SPECC1: variants seen among roughly 807,000 people sequenced by gnomAD.
SPECC1 encodes cytospin-B.
In SPECC1, 62 loss-of-function variants were observed where a neutral mutation model predicts 104.1. The ratio of observed to expected loss-of-function variants is 0.60; its 90% CI spans 0.49 to 0.74. The LOEUF (loss-of-function observed/expected upper bound fraction) is 0.74, where lower values mean the gene tolerates loss of function less well. Among genes scored for constraint, SPECC1 ranks in the 30% least tolerant of loss-of-function variants. The pLI, the probability that SPECC1 is intolerant of heterozygous loss-of-function variation, is 0.00. For synonymous variants in SPECC1, 513 were observed against 501.6 expected (o/e 1.02, Z -0.30); for missense variants, 1,306 against 1,310.5 (o/e 1.00, Z 0.05).
At chr17:20,167,357 CT>C (rs2033741524) in intron 3 of SPECC1, among the ~76,000 whole-genome samples, 1 of 151,832 alleles carries the variant, frequency 6.6e-6, no homozygotes, top group Non-Finnish European at 1.5e-5. Context: ...GAAAAATATT[CT>C]TGGAAGATGT....
intron 1 of SPECC1, among the ~76,000 whole-genome samples, chr17:20,075,626 G>A (rs112602194): frequency 0.025 from 3,806 of 152,050 alleles, 159 homozygotes; most frequent in African/African-American, 0.086. Flanking sequence ...ACATAGCAAG[G>A]CCACTGTCTC....
intron 3 of SPECC1, among the ~76,000 whole-genome samples, chr17:20,165,020 T>G (rs886266449): frequency 1.8e-4 from 27 of 152,304 alleles, no homozygotes; most frequent in African/African-American, 6.3e-4. Flanking sequence ...AAAATTAATT[T>G]TATTTTAAGT....
intron 12 of SPECC1, among the ~76,000 whole-genome samples, chr17:20,279,784 C>T (rs2040705272): frequency 6.6e-6 from 1 of 152,152 alleles, no homozygotes; most frequent in Non-Finnish European, 1.5e-5. Flanking sequence ...GGTCTCCCAG[C>T]CAGAGCTGTG....
chr17:20,306,714 G>C (rs948099673), intron 14 of SPECC1, among the ~76,000 whole-genome samples: 2 of 152,238 alleles, frequency 1.3e-5, no homozygotes, highest in Admixed American at 6.5e-5. Context: ...GCAAGGAAAG[G>C]AAACAGGGCC....
intron 1 of SPECC1, among the ~76,000 whole-genome samples, chr17:20,085,334 G>A (rs773788483): frequency 6.6e-6 from 1 of 152,190 alleles, no homozygotes; most frequent in Non-Finnish European, 1.5e-5. Flanking sequence ...ATGTGTCTGT[G>A]TCATAAAGGG....
At chr17:20,185,847 A>AT (rs1012443153) in intron 3 of SPECC1, among the ~76,000 whole-genome samples, 1 of 151,664 alleles carries the variant, frequency 6.6e-6, no homozygotes, top group Admixed American at 6.6e-5. Context: ...TTATTTATTT[A>AT]TTTTTTTTGA....
rs139295470 is a variant in SPECC1, at chr17:20,316,680, G to GT, written c.*2623dup. On this transcript the variant is annotated 3_prime_UTR_variant, in exon 15 of 15. Coordinates refer to ENST00000395527, the MANE Select transcript of SPECC1 (RefSeq NM_001243439.2). ...CCACTGAGCCCGGCTGTTTTTTTGTGTTTTTTTTGTTGTTGTTTGTTTGTT... is the reference window on the plus strand; with the variant it reads ...CCACTGAGCCCGGCTGTTTTTTTGTGTTTTTTTTTGTTGTTGTTTGTTTGTT... 7,634 of 173,842 alleles carry GT rather than the reference G, an allele frequency of 0.044. 583 individuals are homozygous for GT. The highest frequency in any genetic ancestry group is 0.18 in the African/African-American group (6,897 of 37,800). The allele number at this position is 173,842 out of a possible 1,614,324, so 10.8% of individuals were successfully genotyped here. A position where few individuals can be genotyped will look rare whatever the true frequency, so the allele number is the denominator to read the frequency against.
In SPECC1 at chr17:20,079,517, TG is replaced by T. The variant is rs554392004; in HGVS notation, c.-21-17111del. On this transcript the variant is annotated intron_variant, in intron 1 of 14. Coordinates refer to ENST00000395527, the MANE Select transcript of SPECC1 (RefSeq NM_001243439.2). ...TTACTACAGGCTGTTCTTGAACTTG[TG>T]GGTTCAAGTGATCCTCCCACCTTGG... is the stretch of plus-strand genomic sequence containing the variant. 2.7e-4 allele frequency among the ~76,000 whole-genome samples: 41 copies of T among 149,212 alleles called. 1 individual carries two copies. In the South Asian group the frequency reaches 5.1e-3, roughly 19 times the overall value.
rs1294179803 is a variant in SPECC1 at position 20,314,159 on chromosome 17, C to T, written c.*94C>T. On this transcript the variant is annotated 3_prime_UTR_variant, in exon 15 of 15. Coordinates refer to ENST00000395527, the MANE Select transcript of SPECC1 (RefSeq NM_001243439.2). ...TCCACTGACCCTGCTCTGCCCACCA[C>T]CCAGCTGCCTAGACTTCAAAGACAG... is the stretch of plus-strand genomic sequence containing the variant. 3.8e-6 allele frequency: 4 copies of T among 1,063,792 alleles called. No individual in the cohort carries two copies. The highest frequency in any genetic ancestry group is 5.1e-5 in the East Asian group (2 of 39,196). 65.9% of individuals were successfully genotyped at this position (1,063,792 alleles called of 1,614,324 possible).
chr17:20,061,658 A>G (rs1318112927), intron 1 of SPECC1, among the ~76,000 whole-genome samples: 2 of 152,240 alleles, frequency 1.3e-5, no homozygotes, highest in East Asian at 3.8e-4. Flanking sequence ...CTTGACAGAT[A>G]CATTTGGAAG....
chr17:20,205,920 G>GAGAC lies in SPECC1; in HGVS notation c.1863+11_1863+14dup. On this transcript the variant is annotated intron_variant, in intron 4 of 14. Coordinates refer to ENST00000395527, the MANE Select transcript of SPECC1 (RefSeq NM_001243439.2). ...TCCAGTCTGCTGGCCAAGGTGAGAA[G>GAGAC]AGACAGCTCTTTACTGGTATTTGCT... 6.3e-7 allele frequency: 1 copy of GAGAC among 1,599,818 alleles called. No homozygotes were observed. Among genetic ancestry groups the GAGAC allele is most frequent in the East Asian group, 2.2e-5 (1 of 44,850 alleles).
At chr17:20,068,335 T>C (rs1222527822) in intron 1 of SPECC1, among the ~76,000 whole-genome samples, 1 of 152,234 alleles carries the variant, frequency 6.6e-6, no homozygotes, top group Admixed American at 6.5e-5. Flanking sequence ...TTTTTACTGA[T>C]GGATAATATT....
intron 4 of SPECC1, among the ~76,000 whole-genome samples, chr17:20,212,585 G>A (rs1239130256): frequency 6.6e-6 from 1 of 152,136 alleles, no homozygotes; most frequent in East Asian, 1.9e-4. Flanking sequence ...CTGCCTCCCT[G>A]ATTCAATTAC....
intron 2 of SPECC1, among the ~76,000 whole-genome samples, chr17:20,104,055 A>G (rs1269571778): frequency 2.0e-5 from 3 of 152,244 alleles, no homozygotes; most frequent in Non-Finnish European, 1.5e-5. Context: ...TGGAATGAAT[A>G]TAAAGTCTGT....
In SPECC1 at chr17:20,016,206, C is replaced by T. The variant is rs1419382544; in HGVS notation, c.-22+6782C>T. Reference sequence around the variant, plus strand: ...GCACTCCAGTCTGGGCGACAGAGAGCGACTCCATCTCAAAAAAAAAAAAAA... The same window carrying T: ...GCACTCCAGTCTGGGCGACAGAGAGTGACTCCATCTCAAAAAAAAAAAAAA... On this transcript the variant is annotated intron_variant, in intron 1 of 14. Transcript: ENST00000395527. Among the ~76,000 whole-genome samples, 4 of 132,520 alleles carry T rather than the reference C, an allele frequency of 3.0e-5. No homozygotes were observed. In the South Asian group the frequency reaches 7.2e-4, roughly 24 times the overall value. 86.9% of individuals were successfully genotyped at this position (132,520 alleles called of 152,430 possible). A position where few individuals can be genotyped will look rare whatever the true frequency, so the allele number is the denominator to read the frequency against.
intron 13 of SPECC1, 165 bp from the exon 14 acceptor site, chr17:20,305,858 A>ATTTTT: frequency 4.2e-6 from 2 of 471,730 alleles, no homozygotes; most frequent in Non-Finnish European, 7.2e-6. Flanking sequence ...CAACCTGTTG[A>ATTTTT]TTTTTTTTTT....
chr17:20,015,561 T>C (rs1157897413), intron 1 of SPECC1, among the ~76,000 whole-genome samples: 1 of 150,294 alleles, frequency 6.7e-6, no homozygotes, highest in Non-Finnish European at 1.5e-5. Flanking sequence ...TTGATTATCA[T>C]ATTTTTAACT....
chr17:20,206,275 T>C (rs1304240652), intron 4 of SPECC1, among the ~76,000 whole-genome samples: 5 of 152,270 alleles, frequency 3.3e-5, no homozygotes, highest in Admixed American at 3.3e-4. Flanking sequence ...CTGGAAGAAA[T>C]AGCAACTGAG....
intron 4 of SPECC1, among the ~76,000 whole-genome samples, chr17:20,216,841 C>T (rs188174988): frequency 6.2e-4 from 95 of 152,232 alleles, no homozygotes; most frequent in African/African-American, 2.1e-3. Context: ...GAGTGTGATT[C>T]TTGACCTAGA....
Sources: gnomAD v4.1 joint callset for allele counts (sites outside exome capture counted in the v4.1 genomes callset) on GRCh38, gnomAD v4.1.1 for gene constraint, MANE v1.5 for transcripts, NCBI Gene and HGNC (gene_info 2026-07-23, HGNC 2026-07-21) for gene names.